The following RPS6KC1 variants were observed in gnomAD, a reference collection of about 807,000 sequenced individuals.
The protein encoded by RPS6KC1 is inactive ribosomal protein S6 kinase delta-1.
RPS6KC1 carries 54 observed loss-of-function variants against 103.8 expected under a neutral mutation model. That is an observed-to-expected ratio of 0.52 (90% CI 0.42 to 0.65). The LOEUF (loss-of-function observed/expected upper bound fraction) is 0.65, where lower values mean the gene tolerates loss of function less well. RPS6KC1 is among the 30% of genes least tolerant of loss of function. The pLI, the probability that RPS6KC1 is intolerant of heterozygous loss-of-function variation, is 0.00. For missense variants in RPS6KC1, 1,151 were observed against 1,253.8 expected (o/e 0.92, Z 1.24); for synonymous variants, 439 against 438.7 (o/e 1.00, Z -0.01).
chr1:213,103,619 A>G (rs772184571), intron 3 of RPS6KC1, among the ~76,000 whole-genome samples: 2 of 152,196 alleles, frequency 1.3e-5, no homozygotes, highest in Non-Finnish European at 2.9e-5. Context: ...CCTTGCCTAT[A>G]TAACTAGGAA....
chr1:213,591,877 T>C, the RPS6KC1 span, among the ~76,000 whole-genome samples: 1 of 152,152 alleles, frequency 6.6e-6, no homozygotes, highest in Non-Finnish European at 1.5e-5. Context: ...CAAGAGGTGT[T>C]AAGGCTTCTT....
chr1:213,651,474 C>T, the RPS6KC1 span, among the ~76,000 whole-genome samples: 4 of 152,216 alleles, frequency 2.6e-5, no homozygotes, highest in Admixed American at 2.6e-4. Context: ...ATCCTCACAA[C>T]CAGGCCCAAG....
the RPS6KC1 span, among the ~76,000 whole-genome samples, chr1:213,842,770 A>G: frequency 6.6e-6 from 1 of 152,098 alleles, no homozygotes; most frequent in Non-Finnish European, 1.5e-5. Flanking sequence ...AAAGTGATAA[A>G]CTCTTTAATC....
the RPS6KC1 span, among the ~76,000 whole-genome samples, chr1:213,406,475 C>A: frequency 6.6e-6 from 1 of 152,148 alleles, no homozygotes; most frequent in South Asian, 2.1e-4. Context: ...GCATGGCCAC[C>A]AGACTTTCCC....
the RPS6KC1 span, among the ~76,000 whole-genome samples, chr1:213,313,376 G>T: frequency 1.8e-4 from 28 of 151,798 alleles, no homozygotes; most frequent in Non-Finnish European, 1.9e-4. Context: ...TAATACAGAA[G>T]AATTGTGTAT....
the RPS6KC1 span, among the ~76,000 whole-genome samples, chr1:213,466,267 G>A: frequency 2.0e-5 from 3 of 152,082 alleles, no homozygotes; most frequent in South Asian, 6.2e-4. Flanking sequence ...AGATTTTAGA[G>A]GGGTCAATAT....
rs985521009 is a variant in RPS6KC1, at chr1:213,093,910, C to T, written c.263-10544C>T. 4.6e-5 allele frequency among the ~76,000 whole-genome samples: 7 copies of T among 152,048 alleles called. No individual in the cohort carries two copies. In the South Asian group the frequency reaches 6.2e-4, roughly 14 times the overall value. On this transcript the variant is annotated intron_variant, in intron 3 of 14. Transcript: ENST00000366960. ...CTTCTTCTTTAGTTTTGTGTTGCTC[C>T]GCTGTGAAGTTTCTGGTTAGCCTTT...
chr1:213,645,746 G>A, the RPS6KC1 span, among the ~76,000 whole-genome samples: 18 of 152,158 alleles, frequency 1.2e-4, no homozygotes, highest in Admixed American at 2.6e-4. Context: ...CCTGCAAATC[G>A]GAAATTGGGT....
chr1:213,793,087 C>T, the RPS6KC1 span, among the ~76,000 whole-genome samples: 1 of 152,338 alleles, frequency 6.6e-6, no homozygotes, highest in Admixed American at 6.5e-5. Flanking sequence ...TAATCTCTCC[C>T]TCCTCCAAGA....
intron 1 of RPS6KC1, among the ~76,000 whole-genome samples, chr1:213,057,796 C>G (rs1350183823): frequency 7.4e-6 from 1 of 135,610 alleles, no homozygotes; most frequent in Non-Finnish European, 1.5e-5. Context: ...CAGAGTCTCC[C>G]TCTGTTGTCC....
rs754894764 is a variant in RPS6KC1 at position 213,077,768 on chromosome 1, T to C, written c.214T>C (p.Phe72Leu). The change falls in exon 3 of 15, where the codon TTC becomes CTC. Residue 72 changes from phenylalanine to leucine, a missense_variant. Transcript: ENST00000366960. Reference sequence around the variant, plus strand: ...ACTATGGCAAATTCACAAAAACTTATTCCGACATTCAGAGTTGTTTCCTCC... The same window carrying C: ...ACTATGGCAAATTCACAAAAACTTACTCCGACATTCAGAGTTGTTTCCTCC... ...KELWQIHKNL[F>L]RHSELFPPFA... 45 of 1,567,946 alleles carry C rather than the reference T, an allele frequency of 2.9e-5. No individual in the cohort carries two copies. The highest frequency in any genetic ancestry group is 3.6e-5 in the South Asian group (3 of 83,574).
At chr1:213,547,298 C>T in the RPS6KC1 span, among the ~76,000 whole-genome samples, 1 of 152,190 alleles carries the variant, frequency 6.6e-6, no homozygotes, top group East Asian at 1.9e-4. Flanking sequence ...ATTTTCCTGG[C>T]TCTAGATTTT....
At chr1:213,456,735 AC>A in the RPS6KC1 span, among the ~76,000 whole-genome samples, 2 of 152,204 alleles carry the variant, frequency 1.3e-5, no homozygotes, top group Non-Finnish European at 1.5e-5. Flanking sequence ...ACTTAAATAG[AC>A]CATAATAATG....
At chr1:213,821,473 A>C in the RPS6KC1 span, 1 of 152,170 alleles carries the variant, frequency 6.6e-6, no homozygotes, top group South Asian at 2.1e-4. Context: ...CCTGCTAACT[A>C]GAGGCAGAAA....
chr1:213,316,505 A>G, the RPS6KC1 span, among the ~76,000 whole-genome samples: 1 of 152,248 alleles, frequency 6.6e-6, no homozygotes, highest in East Asian at 1.9e-4. Context: ...ATTTTAAGAA[A>G]TAGTTACTGA....
intron 8 of RPS6KC1, among the ~76,000 whole-genome samples, chr1:213,195,821 GGTGT>G (rs60968477): frequency 2.5e-4 from 38 of 149,714 alleles, no homozygotes; most frequent in African/African-American, 4.7e-4. Context: ...AGTATTCCAT[GGTGT>G]GTGTGTGTGT....
At chr1:213,312,863 A>C in the RPS6KC1 span, among the ~76,000 whole-genome samples, 1 of 152,228 alleles carries the variant, frequency 6.6e-6, no homozygotes, top group Non-Finnish European at 1.5e-5. Flanking sequence ...CAACATTTTC[A>C]AGTCGCTGTT....
At chr1:213,081,720 T>G (rs1036586157) in intron 3 of RPS6KC1, among the ~76,000 whole-genome samples, 3 of 151,910 alleles carry the variant, frequency 2.0e-5, no homozygotes, top group Non-Finnish European at 2.9e-5. Flanking sequence ...TTCCTATGGT[T>G]AAGAACATTC....
the RPS6KC1 span, among the ~76,000 whole-genome samples, chr1:213,797,335 A>G: frequency 1.3e-5 from 2 of 152,204 alleles, no homozygotes; most frequent in South Asian, 4.1e-4. Context: ...TAAAAGAAGA[A>G]GAAAAAGTAG....
Sources: allele counts gnomAD v4.1 joint callset (sites outside exome capture counted in the v4.1 genomes callset), GRCh38; gene constraint gnomAD v4.1.1; transcripts MANE v1.5; gene names NCBI Gene and HGNC (gene_info 2026-07-23, HGNC 2026-07-21).